The following EEA1 variants were observed in gnomAD, a reference collection of about 807,000 sequenced individuals.
EEA1 encodes the protein early endosome antigen 1.
Under a neutral mutation model 209.2 loss-of-function variants are expected in EEA1, and 111 were observed. That is an observed-to-expected ratio of 0.53 (90% CI 0.45 to 0.62). The LOEUF (loss-of-function observed/expected upper bound fraction) is 0.62, where lower values mean the gene tolerates loss of function less well. Ranked by LOEUF, EEA1 falls within the 20% of genes least tolerant of loss-of-function variation. EEA1 has a pLI of 0.00. For missense variants in EEA1, 1,343 were observed against 1,530.8 expected (o/e 0.88, Z 2.05); for synonymous variants, 536 against 540.6 (o/e 0.99, Z 0.12).
intron 1 of EEA1, among the ~76,000 whole-genome samples, chr12:92,900,671 CTTGTT>C (rs1281793280): frequency 9.0e-6 from 1 of 110,712 alleles, no homozygotes; most frequent in Admixed American, 9.1e-5. Context: ...TTTTTTTTGT[CTTGTT>C]TTATTTTTTT....
chr12:92,909,362 C>T (rs1047366771), intron 1 of EEA1, among the ~76,000 whole-genome samples: 4 of 152,130 alleles, frequency 2.6e-5, no homozygotes, highest in Non-Finnish European at 5.9e-5. Context: ...AAATGACAAA[C>T]GTCACCTTGA....
At chr12:92,784,266 C>A (rs558300947) in intron 22 of EEA1, among the ~76,000 whole-genome samples, 1 of 152,246 alleles carries the variant, frequency 6.6e-6, no homozygotes, top group South Asian at 2.1e-4. Context: ...GGAGAGTATA[C>A]GCTATGTGCC....
intron 2 of EEA1, among the ~76,000 whole-genome samples, chr12:92,882,323 G>A (rs1879183131): frequency 6.6e-6 from 1 of 151,832 alleles, no homozygotes; most frequent in Non-Finnish European, 1.5e-5. Flanking sequence ...GGCCAGGCTG[G>A]TCTCAAACTC....
chr12:92,879,108 AG>A (rs1272252447), intron 2 of EEA1: 3 of 206,792 alleles, frequency 1.5e-5, no homozygotes, highest in Non-Finnish European at 2.9e-5. Context: ...CCAAATGAAA[AG>A]GTCCCCCAAA....
chr12:92,834,692 T>C (rs977329897), intron 10 of EEA1, among the ~76,000 whole-genome samples: 18 of 151,028 alleles, frequency 1.2e-4, no homozygotes, highest in Admixed American at 1.1e-3. Context: ...AAAAAAGACA[T>C]AGAGCCAAGA....
chr12:92,883,798 G>A, intron 2 of EEA1: 14 of 1,565,812 alleles, frequency 8.9e-6, no homozygotes, highest in South Asian at 2.2e-5. Context: ...GTCTCCTAAA[G>A]AGCCCGAACA....
At chr12:92,809,523 TA>T (rs57998627) in intron 17 of EEA1, among the ~76,000 whole-genome samples, 2,531 of 107,008 alleles carry the variant, frequency 0.024, 28 homozygotes, top group Middle Eastern at 0.048. Flanking sequence ...TTATCTCTAC[TA>T]AAAAAAAAAA....
rs1193226918 is a variant in EEA1 at position 92,771,111 on chromosome 12, T to A, written c.*4900A>T. 1.3e-5 allele frequency: 2 copies of A among 152,046 alleles called. No individual in the cohort carries two copies. Among genetic ancestry groups the A allele is most frequent in the Non-Finnish European group, 2.9e-5 (2 of 67,968 alleles). The allele number at this position is 152,046 out of a possible 1,614,324, so 9.4% of individuals were successfully genotyped here. ...TGAAAGGCAGTTTGAATAATTATTA[T>A]CATGGCAGGATATATACTATTAACT... On this transcript the variant is annotated 3_prime_UTR_variant, in exon 29 of 29. Transcript: ENST00000322349.
In EEA1 at chr12:92,828,650, A is replaced by T. The variant is rs143492736; in HGVS notation, c.1255-589T>A. On this transcript the variant is annotated intron_variant, in intron 11 of 28. Coordinates refer to ENST00000322349, the MANE Select transcript of EEA1 (RefSeq NM_003566.4). ...TATATATATATGGTGACCCTCATTCATTAACTTTACAAATGCCACCCAATT... is the reference window on the plus strand; with the variant it reads ...TATATATATATGGTGACCCTCATTCTTTAACTTTACAAATGCCACCCAATT... Among the ~76,000 whole-genome samples the T allele has an allele frequency of 3.2e-3, 479 of 150,986 alleles. 2 individuals carry two copies. The highest frequency in any genetic ancestry group is 0.011 in the African/African-American group (457 of 41,208).
At chr12:92,812,706 T>A (rs895226471) in intron 16 of EEA1, among the ~76,000 whole-genome samples, 4 of 152,172 alleles carry the variant, frequency 2.6e-5, no homozygotes, top group African/African-American at 9.6e-5. Context: ...ATTACTGCTC[T>A]ACACCAAGGT....
intron 14 of EEA1, among the ~76,000 whole-genome samples, chr12:92,817,353 A>AT (rs1393753563): frequency 6.6e-6 from 1 of 151,298 alleles, no homozygotes; most frequent in African/African-American, 2.4e-5. Context: ...AAGTTCAATT[A>AT]TTTTTATTTT....
rs929095892 is a variant in EEA1 at position 92,853,379 on chromosome 12, A to G, written c.407-354T>C. On this transcript the variant is annotated intron_variant, in intron 6 of 28. Coordinates refer to ENST00000322349, the MANE Select transcript of EEA1 (RefSeq NM_003566.4). ...TTTTTTTAAGAGATGGGGTCTCGCT[A>G]TGTTACGGAGGCTGATCTTAAATTC... Among the ~76,000 whole-genome samples, 6 of 152,062 alleles carry G rather than the reference A, an allele frequency of 3.9e-5. No individual in the cohort carries two copies. The East Asian group carries it at 9.6e-4, about 24-fold the overall frequency.
intron 10 of EEA1, chr12:92,835,400 C>CCTTTTTTT (rs1876874576): frequency 6.8e-6 from 1 of 147,936 alleles, no homozygotes; most frequent in South Asian, 4.0e-5. Context: ...AGTTTCACTC[C>CCTTTTTTT]TTTTTTTTTT....
At chr12:92,790,748 A>G (rs548691892) in intron 21 of EEA1, among the ~76,000 whole-genome samples, 20 of 152,310 alleles carry the variant, frequency 1.3e-4, no homozygotes, top group Non-Finnish European at 1.9e-4. Flanking sequence ...GCAGGCCAAC[A>G]TTCAAATTCA....
At chr12:92,884,166 T>G (rs1368967031) in intron 2 of EEA1, 1 of 1,315,416 alleles carries the variant, frequency 7.6e-7, no homozygotes. Context: ...AAAATTGAAG[T>G]GACTCAAATC....
rs766714962 is a variant in EEA1, at chr12:92,776,839, T to C, written c.4113+5A>G. Reference sequence around the variant, plus strand: ...AAACATAGTTACATGAACAAAATTATTTACCCGTCTCACTGTTACTGAAAA... The same window carrying C: ...AAACATAGTTACATGAACAAAATTACTTACCCGTCTCACTGTTACTGAAAA... On this transcript the variant is annotated splice_donor_5th_base_variant and intron_variant, in intron 28 of 28. Transcript: ENST00000322349. The C allele has an allele frequency of 6.2e-7, 1 of 1,609,874 alleles. No homozygotes were observed. The highest frequency in any genetic ancestry group is 8.5e-7 in the Non-Finnish European group (1 of 1,177,004).
intron 1 of EEA1, among the ~76,000 whole-genome samples, chr12:92,915,138 G>C (rs1880718582): frequency 6.6e-6 from 1 of 152,066 alleles, no homozygotes; most frequent in Admixed American, 6.6e-5. Flanking sequence ...TTATTATTAA[G>C]TACATCTCTC....
At chr12:92,924,087 C>T (rs1881117074) in intron 1 of EEA1, among the ~76,000 whole-genome samples, 1 of 151,872 alleles carries the variant, frequency 6.6e-6, no homozygotes, top group South Asian at 2.1e-4. Context: ...CACTGCACTC[C>T]ATCCTGGCTG....
intron 1 of EEA1, among the ~76,000 whole-genome samples, chr12:92,924,064 G>A (rs777201894): frequency 2.0e-5 from 3 of 152,122 alleles, no homozygotes; most frequent in African/African-American, 4.8e-5. Context: ...TGAACGTGAC[G>A]GTGTCACTGT....
Sources: gnomAD v4.1 joint callset for allele counts (sites outside exome capture counted in the v4.1 genomes callset) on GRCh38, gnomAD v4.1.1 for gene constraint, MANE v1.5 for transcripts, NCBI Gene and HGNC (gene_info 2026-07-23, HGNC 2026-07-21) for gene names.